ZNF423: variants seen among roughly 807,000 people sequenced by gnomAD.
ZNF423 encodes the protein Ebf-associated zinc finger protein.
In ZNF423, 12 loss-of-function variants were observed where a neutral mutation model predicts 95.8. The ratio of observed to expected loss-of-function variants is 0.13; its 90% CI spans 0.08 to 0.20. The LOEUF is 0.20. Among genes scored for constraint, ZNF423 ranks in the 10% least tolerant of loss-of-function variants. The pLI is 1.00. For missense variants in ZNF423, 1,316 were observed against 1,737.1 expected (o/e 0.76, Z 4.31); for synonymous variants, 749 against 711.9 (o/e 1.05, Z -0.83).
intron 3 of ZNF423, among the ~76,000 whole-genome samples, chr16:49,678,391 G>A (rs750574607): frequency 2.6e-5 from 4 of 152,098 alleles, no homozygotes; most frequent in Admixed American, 6.5e-5. Context: ...AAAGTGGGGC[G>A]TTCGAGCTCT....
intron 1 of ZNF423, among the ~76,000 whole-genome samples, chr16:49,796,225 C>T (rs918787407): frequency 2.6e-5 from 4 of 152,124 alleles, no homozygotes; most frequent in South Asian, 4.1e-4. Context: ...GGCCACAGCT[C>T]GTCCCCTGTG....
chr16:49,849,325 G>C (rs2035277607), intron 1 of ZNF423, among the ~76,000 whole-genome samples: 1 of 152,110 alleles, frequency 6.6e-6, no homozygotes, highest in Non-Finnish European at 1.5e-5. Flanking sequence ...AAAACTGTTT[G>C]CCAGGGTCCC....
intron 5 of ZNF423, among the ~76,000 whole-genome samples, chr16:49,534,152 A>G (rs1436374265): frequency 6.6e-6 from 1 of 152,216 alleles, no homozygotes; most frequent in Non-Finnish European, 1.5e-5. Flanking sequence ...CAAGAGCACA[A>G]AAAATTTTTA....
In ZNF423 at chr16:49,855,020, T is replaced by C. The variant is rs9745989; in HGVS notation, c.40+715A>G. 0.65 allele frequency: 639,935 copies of C among 984,306 alleles called. 210,493 individuals are homozygous for C. Among genetic ancestry groups the C allele is most frequent in the East Asian group, 0.93 (8,007 of 8,616 alleles). 61.0% of individuals were successfully genotyped at this position (984,306 alleles called of 1,614,324 possible). A position where few individuals can be genotyped will look rare whatever the true frequency, so the allele number is the denominator to read the frequency against. ...CGGCCGCTGAGCTCCCCTGAGGACCTGCGTCCCGCCGGCGCCGTGCAGACA... is the reference window on the plus strand; with the variant it reads ...CGGCCGCTGAGCTCCCCTGAGGACCCGCGTCCCGCCGGCGCCGTGCAGACA... On this transcript the variant is annotated intron_variant, in intron 1 of 7. Transcript: ENST00000563137. The surrounding 1 kb of genome is among the most constrained non-coding windows in gnomAD (Gnocchi z 4.7).
chr16:49,706,752 C>T (rs995175676), intron 3 of ZNF423, among the ~76,000 whole-genome samples: 5 of 152,196 alleles, frequency 3.3e-5, no homozygotes, highest in African/African-American at 1.2e-4. Context: ...TCTTCTGCCT[C>T]CATCTGGCTT....
chr16:49,631,465 G>A (rs534277527), intron 4 of ZNF423, among the ~76,000 whole-genome samples: 10 of 151,692 alleles, frequency 6.6e-5, no homozygotes, highest in African/African-American at 2.2e-4. Context: ...CCCACTAGGA[G>A]ATATAATTAC....
chr16:49,534,434 G>A (rs1968984186), intron 5 of ZNF423, among the ~76,000 whole-genome samples: 1 of 152,102 alleles, frequency 6.6e-6, no homozygotes, highest in South Asian at 2.1e-4. Context: ...TGTATTTTTA[G>A]TAGAGATGGG....
At chr16:49,505,717 A>G (rs1032437183) in intron 7 of ZNF423, among the ~76,000 whole-genome samples, 2 of 152,236 alleles carry the variant, frequency 1.3e-5, no homozygotes, top group African/African-American at 4.8e-5. Flanking sequence ...AGGGGGTCCA[A>G]CCTGGCACCC....
chr16:49,553,072 T>A (rs996689754), intron 5 of ZNF423, among the ~76,000 whole-genome samples: 3 of 151,918 alleles, frequency 2.0e-5, no homozygotes, highest in Non-Finnish European at 2.9e-5. Context: ...AATATTAATT[T>A]AAAAAAAATA....
chr16:49,691,485 C>A (rs1163760203), intron 3 of ZNF423, among the ~76,000 whole-genome samples: 2 of 152,188 alleles, frequency 1.3e-5, no homozygotes, highest in Non-Finnish European at 2.9e-5. Flanking sequence ...GTAATCCCAG[C>A]ACTCTGGGAG....
At chr16:49,807,805 G>A (rs956499896) in intron 1 of ZNF423, among the ~76,000 whole-genome samples, 1 of 152,158 alleles carries the variant, frequency 6.6e-6, no homozygotes, top group African/African-American at 2.4e-5. Flanking sequence ...CCATCCCAGG[G>A]GCCGTGACAG....
Position 49,638,270 on chromosome 16 carries a change from G to A in ZNF423, c.906C>T (p.Asp302=). Residue 302 remains aspartate, a synonymous_variant, in exon 4 of 8, where the codon GAC becomes GAT. Transcript: ENST00000563137. This position sits in a 1 kb window ranked among gnomAD's most constrained non-coding sequence, Gnocchi z 5.6. ...CCTCAGGGCAGTGAATGCACTGCAG[G>A]TCCGCCTTCTCGGACAGCTGCGGGT... is the stretch of plus-strand genomic sequence containing the variant. The part of the protein sequence containing the change: ...TRHPQLSEKA[D]LQCIHCPEVF... 1 of 1,613,062 alleles carries A rather than the reference G, an allele frequency of 6.2e-7. No individual in the cohort carries two copies. Among genetic ancestry groups the A allele is most frequent in the Non-Finnish European group, 8.5e-7 (1 of 1,180,038 alleles).
chr16:49,807,441 A>G (rs538847942), intron 1 of ZNF423, among the ~76,000 whole-genome samples: 1 of 152,152 alleles, frequency 6.6e-6, no homozygotes, highest in Admixed American at 6.5e-5. Context: ...AAAAAAAAAC[A>G]AAAAATACAA....
At chr16:49,498,058 T>C (rs1025916714) in intron 7 of ZNF423, among the ~76,000 whole-genome samples, 2 of 152,120 alleles carry the variant, frequency 1.3e-5, no homozygotes, top group Non-Finnish European at 1.5e-5. Context: ...AGAGATGGTT[T>C]TCCAGGCAGA....
intron 1 of ZNF423, among the ~76,000 whole-genome samples, chr16:49,792,987 C>G (rs2034440152): frequency 6.6e-6 from 1 of 152,134 alleles, no homozygotes; most frequent in African/African-American, 2.4e-5. Context: ...TCAGGCTGGT[C>G]TCAAACTCCT....
chr16:49,711,552 G>A (rs1042348684), intron 3 of ZNF423: 2 of 152,168 alleles, frequency 1.3e-5, no homozygotes, highest in Non-Finnish European at 2.9e-5. Flanking sequence ...GTAAGACACC[G>A]TGGATGGTAA....
intron 3 of ZNF423, among the ~76,000 whole-genome samples, chr16:49,672,796 C>T (rs911910618): frequency 5.3e-5 from 8 of 151,994 alleles, no homozygotes; most frequent in African/African-American, 9.7e-5. Flanking sequence ...CCAGTCTGGG[C>T]GACAGAGTGA....
chr16:49,564,379 C>A (rs1433473809), intron 5 of ZNF423, among the ~76,000 whole-genome samples: 1 of 152,106 alleles, frequency 6.6e-6, no homozygotes, highest in African/African-American at 2.4e-5. Flanking sequence ...TGGGGGTGTG[C>A]TAGATATGCT....
chr16:49,832,624 C>A (rs536008500), intron 1 of ZNF423, among the ~76,000 whole-genome samples: 1 of 152,190 alleles, frequency 6.6e-6, no homozygotes, highest in Admixed American at 6.5e-5. Context: ...CAGGTCAGAA[C>A]AGAGCACCCG....
Sources: gnomAD v4.1 joint callset for allele counts (sites outside exome capture counted in the v4.1 genomes callset) on GRCh38, gnomAD v4.1.1 for gene constraint, Gnocchi (gnomAD v3.1) non-coding constraint, MANE v1.5 for transcripts, NCBI Gene and HGNC (gene_info 2026-07-23, HGNC 2026-07-21) for gene names.